The following RNF144B variants were observed in gnomAD, a reference collection of about 807,000 sequenced individuals.
The protein encoded by RNF144B is E3 ubiquitin-protein ligase RNF144B.
In RNF144B, 25 loss-of-function variants were observed where a neutral mutation model predicts 40.2. The observed-to-expected ratio is 0.62, with a 90% CI of 0.45 to 0.87. The LOEUF (loss-of-function observed/expected upper bound fraction) is 0.87, where lower values mean the gene tolerates loss of function less well. Among genes scored for constraint, RNF144B ranks in the 40% least tolerant of loss-of-function variants. The probability of loss-of-function intolerance (pLI) is 0.00; values close to 1 mark genes in which losing one functional copy is unlikely to be tolerated. For missense variants in RNF144B, 365 were observed against 373.7 expected (o/e 0.98, Z 0.19); for synonymous variants, 145 against 136.3 (o/e 1.06, Z -0.44).
intron 2 of RNF144B, among the ~76,000 whole-genome samples, chr6:18,407,517 A>C (rs1794937253): frequency 6.6e-6 from 1 of 152,222 alleles, no homozygotes; most frequent in African/African-American, 2.4e-5. Context: ...GTGGTTATCT[A>C]GCTTTTGACT....
Position 18,465,872 on chromosome 6 carries a change from T to G in RNF144B, c.*805T>G, listed in dbSNP as rs1418356069. The G allele has an allele frequency of 1.3e-5, 2 of 152,054 alleles. No homozygotes were observed. The highest frequency in any genetic ancestry group is 4.8e-5 in the African/African-American group (2 of 41,392). 9.4% of individuals were successfully genotyped at this position (152,054 alleles called of 1,614,324 possible). A position where few individuals can be genotyped will look rare whatever the true frequency, so the allele number is the denominator to read the frequency against. On this transcript the variant is annotated 3_prime_UTR_variant, in exon 8 of 8. Coordinates refer to ENST00000259939, the MANE Select transcript of RNF144B (RefSeq NM_182757.4). Reference sequence around the variant, plus strand: ...TGTTTCATATAAAATACGGGTAGAGTGGTAGAGTTTCAAAACTTTCGTCAT... The same window carrying G: ...TGTTTCATATAAAATACGGGTAGAGGGGTAGAGTTTCAAAACTTTCGTCAT...
chr6:18,397,890 A>T (rs1265731639), intron 1 of RNF144B, among the ~76,000 whole-genome samples: 2 of 152,040 alleles, frequency 1.3e-5, no homozygotes, highest in Non-Finnish European at 2.9e-5. Context: ...AGATTACCTA[A>T]CTTATCAGTA....
In RNF144B at chr6:18,425,003, A is replaced by G. The variant is rs1230663380; in HGVS notation, c.166-2578A>G. Among the ~76,000 whole-genome samples the G allele has an allele frequency of 6.6e-6, 1 of 152,160 alleles. No homozygotes were observed. The highest frequency in any genetic ancestry group is 2.4e-5 in the African/African-American group (1 of 41,442). Reference sequence around the variant, plus strand: ...CATGACCTATTATTCTGTAATTTGCAAATTCATGAAGGGCTTCCATATATA... The same window carrying G: ...CATGACCTATTATTCTGTAATTTGCGAATTCATGAAGGGCTTCCATATATA... On this transcript the variant is annotated intron_variant, in intron 2 of 7. Transcript: ENST00000259939. This position sits in a 1 kb window ranked among gnomAD's most constrained non-coding sequence, Gnocchi z 4.2.
chr6:18,429,062 G>A (rs536418931), intron 3 of RNF144B, among the ~76,000 whole-genome samples: 2 of 152,224 alleles, frequency 1.3e-5, no homozygotes, highest in East Asian at 1.9e-4. Context: ...GCCAGGCATA[G>A]TGGTGCATGC....
intron 1 of RNF144B, among the ~76,000 whole-genome samples, chr6:18,394,562 C>T (rs9367994): frequency 0.2 from 29,932 of 151,148 alleles, 3,574 homozygotes; most frequent in East Asian, 0.41. Context: ...CATGCCACTG[C>T]ACTCTAGCGT....
At chr6:18,391,650 G>A (rs953200166) in intron 1 of RNF144B, among the ~76,000 whole-genome samples, 3 of 151,252 alleles carry the variant, frequency 2.0e-5, no homozygotes, top group African/African-American at 7.3e-5. Context: ...GGCTGATCAC[G>A]AGGTCAGGAG....
chr6:18,454,466 G>A (rs1335090925), intron 4 of RNF144B, among the ~76,000 whole-genome samples: 1 of 152,214 alleles, frequency 6.6e-6, no homozygotes, highest in Non-Finnish European at 1.5e-5. Context: ...AATGCTCTTA[G>A]TTAAGCTCTG....
intron 1 of RNF144B, among the ~76,000 whole-genome samples, chr6:18,397,698 T>C (rs144954721): frequency 3.3e-5 from 5 of 152,212 alleles, no homozygotes; most frequent in Non-Finnish European, 5.9e-5. Flanking sequence ...GCTGTAGTCA[T>C]GGACTTCAAC....
chr6:18,409,561 C>CTTTTTTTT (rs70974741), intron 2 of RNF144B, among the ~76,000 whole-genome samples: 1 of 93,262 alleles, frequency 1.1e-5, no homozygotes, highest in Non-Finnish European at 2.0e-5. Context: ...CTTGCATAAC[C>CTTTTTTTT]TTTTTTTTTT....
rs931463391 is a variant in RNF144B, at chr6:18,406,228, G to C, written c.165+6529G>C. 1.2e-5 allele frequency: 6 copies of C among 504,742 alleles called. No individual in the cohort carries two copies. The highest frequency in any genetic ancestry group is 1.2e-4 in the African/African-American group (6 of 51,090). The allele number at this position is 504,742 out of a possible 1,614,324, so 31.3% of individuals were successfully genotyped here. ...TTTGTGCTATGGAAAAATAGGGTGA[G>C]GGGGGTCAGGAGTGCTGTGGGGAAG... On this transcript the variant is annotated intron_variant, in intron 2 of 7. Transcript: ENST00000259939. The surrounding 1 kb of genome is among the most constrained non-coding windows in gnomAD (Gnocchi z 4.2).
rs1794936492 is a variant in RNF144B at position 18,407,495 on chromosome 6, A to G, written c.165+7796A>G. ...GAATACAGCTAGCATATATAGCTCT[A>G]CTCTTTTTAGTGTGGTTATCTAGCT... is the stretch of plus-strand genomic sequence containing the variant. On this transcript the variant is annotated intron_variant, in intron 2 of 7. Transcript: ENST00000259939. Among the ~76,000 whole-genome samples the G allele has an allele frequency of 2.6e-5, 4 of 152,234 alleles. No individual in the cohort carries two copies. The South Asian group carries it at 8.3e-4, about 32-fold the overall frequency.
chr6:18,463,175 G>A, intron 6 of RNF144B, 116 bp from the exon 7 acceptor site: 1 of 658,866 alleles, frequency 1.5e-6, no homozygotes, highest in East Asian at 2.7e-5. Context: ...CCTAGAGGGG[G>A]TCACTGATAT....
At position 18,395,543 on chromosome 6, in the gene RNF144B, T is replaced by C. The variant is rs1794675434; in HGVS notation, c.-36-3956T>C. ...ACTGATTGAAGAGCTCATTTTGCAA[T>C]GAATCAATGGTGAAAGGATTTCTTG... On this transcript the variant is annotated intron_variant, in intron 1 of 7. Coordinates refer to ENST00000259939, the MANE Select transcript of RNF144B (RefSeq NM_182757.4). The surrounding 1 kb of genome is among the most constrained non-coding windows in gnomAD (Gnocchi z 4.5). Among the ~76,000 whole-genome samples, 1 of 152,088 alleles carries C rather than the reference T, an allele frequency of 6.6e-6. No individual in the cohort carries two copies. Among genetic ancestry groups the C allele is most frequent in the Non-Finnish European group, 1.5e-5 (1 of 68,016 alleles).
At position 18,443,753 on chromosome 6, in the gene RNF144B, ACTT is replaced by A. The variant is rs1272754368; in HGVS notation, c.331+4013_331+4015del. On this transcript the variant is annotated intron_variant, in intron 4 of 7. Coordinates refer to ENST00000259939, the MANE Select transcript of RNF144B (RefSeq NM_182757.4). The surrounding 1 kb of genome is among the most constrained non-coding windows in gnomAD (Gnocchi z 4.7). The stretch of plus-strand genomic sequence containing the variant: ...ACTTTATCTAAATTATGTAAAATAG[ACTT>A]CTTATCTACCTCAAACTCGAGACCT... Among the ~76,000 whole-genome samples the A allele has an allele frequency of 2.0e-5, 3 of 152,174 alleles. No homozygotes were observed. Among genetic ancestry groups the A allele is most frequent in the African/African-American group, 7.2e-5 (3 of 41,448 alleles).
In RNF144B at chr6:18,464,796, T is replaced by G; in HGVS notation, c.772-131T>G. On this transcript the variant is annotated intron_variant, in intron 7 of 7. Coordinates refer to ENST00000259939, the MANE Select transcript of RNF144B (RefSeq NM_182757.4). The surrounding 1 kb of genome is among the most constrained non-coding windows in gnomAD (Gnocchi z 6.1). ...TCTCCAAATACCGTCACATCGGGGA[T>G]TTAGGGTTTCAACATATGAGCTTCA... The G allele has an allele frequency of 1.2e-6, 1 of 860,514 alleles. No homozygotes were observed. The highest frequency in any genetic ancestry group is 1.8e-6 in the Non-Finnish European group (1 of 549,550). The allele number at this position is 860,514 out of a possible 1,614,324, so 53.3% of individuals were successfully genotyped here. A position where few individuals can be genotyped will look rare whatever the true frequency, so the allele number is the denominator to read the frequency against.
In RNF144B at chr6:18,454,660, T is replaced by TGCCATAGCTGCACTGC. The variant is rs546369025; in HGVS notation, c.332-2478_332-2463dup. 1.1e-3 allele frequency among the ~76,000 whole-genome samples: 161 copies of TGCCATAGCTGCACTGC among 152,316 alleles called. 1 individual carries two copies. The highest frequency in any genetic ancestry group is 3.7e-3 in the African/African-American group (153 of 41,562). On this transcript the variant is annotated intron_variant, in intron 4 of 7. Coordinates refer to ENST00000259939, the MANE Select transcript of RNF144B (RefSeq NM_182757.4). Reference sequence around the variant, plus strand: ...CTCTTTCCTTGCTTTCAACGGACTGTGCCATAGCTGCACTGCGCCATAGCT... The same window carrying TGCCATAGCTGCACTGC: ...CTCTTTCCTTGCTTTCAACGGACTGTGCCATAGCTGCACTGCGCCATAGCTGCACTGCGCCATAGCT...
chr6:18,431,732 C>T (rs943635778), intron 3 of RNF144B, among the ~76,000 whole-genome samples: 6 of 152,222 alleles, frequency 3.9e-5, no homozygotes, highest in African/African-American at 1.4e-4. Context: ...CTCTGTCTTA[C>T]CAAATGCATT....
At chr6:18,392,035 T>TA (rs10643409) in intron 1 of RNF144B, among the ~76,000 whole-genome samples, 5,490 of 71,022 alleles carry the variant, frequency 0.077, 614 homozygotes, top group South Asian at 0.2. Context: ...CCATCTCTAC[T>TA]AAAAAAAAAA....
Position 18,459,201 on chromosome 6 carries a change from G to A in RNF144B, c.537-406G>A, listed in dbSNP as rs892926857. Among the ~76,000 whole-genome samples the A allele has an allele frequency of 3.3e-5, 5 of 152,156 alleles. No individual in the cohort carries two copies. Among genetic ancestry groups the A allele is most frequent in the Admixed American group, 6.5e-5 (1 of 15,276 alleles). The stretch of plus-strand genomic sequence containing the variant: ...AAAGTATTTGACATTATTTTAAAGT[G>A]TTTATATTTGAGAACCCCTTCTCCA... On this transcript the variant is annotated intron_variant, in intron 5 of 7. Coordinates refer to ENST00000259939, the MANE Select transcript of RNF144B (RefSeq NM_182757.4). The surrounding 1 kb of genome is among the most constrained non-coding windows in gnomAD (Gnocchi z 4.2).
Sources: gnomAD v4.1 joint callset for allele counts (sites outside exome capture counted in the v4.1 genomes callset) on GRCh38, gnomAD v4.1.1 for gene constraint, Gnocchi (gnomAD v3.1) non-coding constraint, MANE v1.5 for transcripts, NCBI Gene and HGNC (gene_info 2026-07-23, HGNC 2026-07-21) for gene names.